Variants in KHDC1 observed in about 807,000 individuals in gnomAD.
The protein encoded by KHDC1 is KH domain containing 1, also known as KH homology domain-containing protein 1.
In KHDC1, 21 loss-of-function variants were observed where a neutral mutation model predicts 24.7. The ratio of observed to expected loss-of-function variants is 0.85; its 90% CI spans 0.60 to 1.23. KHDC1 has a LOEUF of 1.23. Among genes scored for constraint, KHDC1 ranks in the 50% most tolerant of loss-of-function variants. KHDC1 has a pLI of 0.00. For synonymous variants in KHDC1, 98 were observed against 111.7 expected (o/e 0.88, Z 0.77); for missense variants, 274 against 298.5 (o/e 0.92, Z 0.61).
chr6:73,275,791 T>C (rs897247889), intron 2 of KHDC1: 2 of 153,076 alleles, frequency 1.3e-5, no homozygotes, highest in African/African-American at 4.8e-5. Context: ...TTCCTCCTGG[T>C]GTTCCAGAAG....
At chr6:73,309,528 A>T (rs758869214) in intron 1 of KHDC1, 1 of 1,495,072 alleles carries the variant, frequency 6.7e-7, no homozygotes, top group East Asian at 2.5e-5. Flanking sequence ...AGCTTTTCCT[A>T]CCAGGGCCCC....
intron 2 of KHDC1, among the ~76,000 whole-genome samples, chr6:73,261,871 C>A (rs551295223): frequency 1.3e-5 from 2 of 150,682 alleles, no homozygotes; most frequent in Non-Finnish European, 3.0e-5. Context: ...AAGATCGCAC[C>A]ACTGCACTCC....
intron 2 of KHDC1, among the ~76,000 whole-genome samples, chr6:73,291,577 T>C (rs751956452): frequency 1.3e-5 from 2 of 152,118 alleles, no homozygotes; most frequent in African/African-American, 2.4e-5. Context: ...TCCTTCTGCC[T>C]CAGCCTCCCA....
At chr6:73,293,863 G>A (rs539966977) in intron 1 of KHDC1, among the ~76,000 whole-genome samples, 3 of 151,854 alleles carry the variant, frequency 2.0e-5, no homozygotes, top group African/African-American at 7.3e-5. Flanking sequence ...AAAATTAGCC[G>A]GGCATGATGG....
intron 2 of KHDC1, among the ~76,000 whole-genome samples, chr6:73,265,085 AC>A (rs1767056208): frequency 2.6e-5 from 4 of 152,260 alleles, no homozygotes; most frequent in African/African-American, 9.6e-5. Context: ...ATGTCACAGA[AC>A]AAATTTCTAA....
At chr6:73,242,424 G>T in exon 3 of KHDC1, 1 of 1,614,188 alleles carries the variant, frequency 6.2e-7, no homozygotes, top group Non-Finnish European at 8.5e-7. Context: ...AGCTCCTCCT[G>T]GTCCTCTTCC....
chr6:73,259,124 C>T (rs1766931507), intron 2 of KHDC1, among the ~76,000 whole-genome samples: 1 of 152,170 alleles, frequency 6.6e-6, no homozygotes, highest in Non-Finnish European at 1.5e-5. Flanking sequence ...CCAACATGCT[C>T]TTAAGGGAAC....
chr6:73,309,533 G>T (rs780603423), intron 1 of KHDC1: 44 of 1,495,372 alleles, frequency 2.9e-5, no homozygotes, highest in Non-Finnish European at 3.6e-5. Flanking sequence ...TTCCTACCAG[G>T]GCCCCTAAAG....
At chr6:73,251,774 C>T (rs1396318208) in intron 2 of KHDC1, among the ~76,000 whole-genome samples, 1 of 149,570 alleles carries the variant, frequency 6.7e-6, no homozygotes, top group Non-Finnish European at 1.5e-5. Flanking sequence ...TTAAAAAATT[C>T]TTTTTTTTCC....
At chr6:73,258,606 T>G (rs999414467) in intron 2 of KHDC1, among the ~76,000 whole-genome samples, 1 of 152,160 alleles carries the variant, frequency 6.6e-6, no homozygotes, top group African/African-American at 2.4e-5. Context: ...AAGGATGCAT[T>G]TGACCATTCC....
intron 1 of KHDC1, chr6:73,292,889 G>A (rs753428860): frequency 1.3e-6 from 1 of 759,726 alleles, no homozygotes; most frequent in Non-Finnish European, 2.3e-6. Flanking sequence ...GAGAGAATGT[G>A]AATCAGTGCT....
chr6:73,260,013 T>A (rs979000638), intron 2 of KHDC1, among the ~76,000 whole-genome samples: 1 of 152,196 alleles, frequency 6.6e-6, no homozygotes, highest in Non-Finnish European at 1.5e-5. Flanking sequence ...TTTCTTTGCA[T>A]TTCAGTGAAA....
intron 2 of KHDC1, among the ~76,000 whole-genome samples, chr6:73,247,605 C>T (rs1766691184): frequency 6.6e-6 from 1 of 151,998 alleles, no homozygotes; most frequent in Non-Finnish European, 1.5e-5. Flanking sequence ...CCTGTAATCC[C>T]AGCACTTTGG....
intron 2 of KHDC1, 104 bp from the exon 2 acceptor site, chr6:73,242,634 C>A: frequency 7.0e-7 from 1 of 1,419,098 alleles, no homozygotes. Context: ...CAACAACCTG[C>A]CCCTTGAACT....
At chr6:73,280,383 G>A (rs1051227161) in intron 2 of KHDC1, among the ~76,000 whole-genome samples, 6 of 150,866 alleles carry the variant, frequency 4.0e-5, no homozygotes, top group East Asian at 2.0e-4. Flanking sequence ...GGCTGGTCTC[G>A]AACTCCTGGG....
At chr6:73,277,807 T>C (rs963981119) in intron 2 of KHDC1, among the ~76,000 whole-genome samples, 4 of 150,040 alleles carry the variant, frequency 2.7e-5, no homozygotes, top group Non-Finnish European at 5.9e-5. Context: ...CAGGCTGCAG[T>C]GAGCCATGAT....
intron 2 of KHDC1, among the ~76,000 whole-genome samples, chr6:73,273,568 G>C (rs140124886): frequency 0.028 from 4,213 of 152,154 alleles, 93 homozygotes; most frequent in Middle Eastern, 0.054. Flanking sequence ...TGTAGTCCCA[G>C]CACTTTGGGA....
Position 73,277,822 on chromosome 6 carries a change from C to G in KHDC1, c.206+14176G>C, listed in dbSNP as rs372439524. Among the ~76,000 whole-genome samples the G allele has an allele frequency of 1.1e-3, 169 of 150,540 alleles. 1 individual carries two copies. Among genetic ancestry groups the G allele is most frequent in the African/African-American group, 3.9e-3 (161 of 40,834 alleles). ...CAGGCTGCAGTGAGCCATGATCACA[C>G]CAGCCACTGTGCTATAGTCTGTATG... On this transcript the variant is annotated intron_variant, in intron 2 of 4. Transcript: ENST00000370384.
At chr6:73,259,309 A>G (rs538086011) in intron 2 of KHDC1, among the ~76,000 whole-genome samples, 150 of 73,634 alleles carry the variant, frequency 2.0e-3, no homozygotes, top group African/African-American at 0.012. Context: ...TTTTTTTGAG[A>G]CGGAGTCTCG....
Sources: allele counts gnomAD v4.1 joint callset (sites outside exome capture counted in the v4.1 genomes callset), GRCh38; gene constraint gnomAD v4.1.1; transcripts MANE v1.5; gene names NCBI Gene and HGNC (gene_info 2026-07-23, HGNC 2026-07-21).